Variants in GNG7 observed in about 807,000 individuals in gnomAD.
GNG7 encodes the protein G protein subunit gamma 7, also known as guanine nucleotide-binding protein G(I)/G(S)/G(O) subunit gamma-7.
Under a neutral mutation model 4.0 loss-of-function variants are expected in GNG7, and 1 was observed. The observed-to-expected ratio is 0.25, with a 90% CI of 0.09 to 1.18. GNG7 has a LOEUF of 1.18. Ranked by LOEUF, GNG7 falls within the 50% of genes most tolerant of loss-of-function variation. GNG7 has a pLI of 0.50. For missense variants in GNG7, 86 were observed against 91.9 expected, an observed-to-expected ratio of 0.94 and a Z score of 0.26; for synonymous variants, 34 against 36.9, an observed-to-expected ratio of 0.92 and a Z score of 0.29.
chr19:2,623,767 G>C (rs926434556), intron 2 of GNG7, among the ~76,000 whole-genome samples: 26 of 152,294 alleles, frequency 1.7e-4, no homozygotes, highest in Admixed American at 9.1e-4. Context: ...TGTAATTCCA[G>C]CTACTCAGGA....
intron 1 of GNG7, among the ~76,000 whole-genome samples, chr19:2,687,540 C>G (rs980485528): frequency 1.3e-5 from 2 of 151,914 alleles, no homozygotes; most frequent in Non-Finnish European, 2.9e-5. Context: ...CGCTTGAGCC[C>G]GGGAGGCAGA....
intron 1 of GNG7, among the ~76,000 whole-genome samples, chr19:2,675,374 A>T (rs1043718363): frequency 7.9e-5 from 12 of 152,210 alleles, no homozygotes; most frequent in African/African-American, 2.9e-4. Context: ...CCAGGAAGGG[A>T]CAGCTTCGTG....
intron 2 of GNG7, among the ~76,000 whole-genome samples, chr19:2,630,448 G>A (rs1861252148): frequency 6.6e-6 from 1 of 152,100 alleles, no homozygotes; most frequent in African/African-American, 2.4e-5. Context: ...AGGTGGGCCT[G>A]GTCTAATCAG....
At chr19:2,591,305 G>A (rs1980843813) in intron 2 of GNG7, among the ~76,000 whole-genome samples, 1 of 152,078 alleles carries the variant, frequency 6.6e-6, no homozygotes, top group Admixed American at 6.6e-5. Flanking sequence ...AATACTATTT[G>A]CCAACATACT....
chr19:2,527,941 C>T (rs1261471746), intron 3 of GNG7, among the ~76,000 whole-genome samples: 11 of 152,126 alleles, frequency 7.2e-5, no homozygotes, highest in African/African-American at 2.4e-4. Flanking sequence ...AGTTTGAACC[C>T]AGCTGACTGA....
intron 3 of GNG7, among the ~76,000 whole-genome samples, chr19:2,536,986 G>A (rs1010926826): frequency 6.8e-5 from 10 of 148,018 alleles, no homozygotes; most frequent in African/African-American, 1.0e-4. Context: ...TCGCTCTGTC[G>A]CCCAGGCTGG....
chr19:2,526,970 C>T (rs8105926), intron 3 of GNG7, among the ~76,000 whole-genome samples: 55,312 of 151,380 alleles, frequency 0.37, 10,692 homozygotes, highest in African/African-American at 0.5. Context: ...CTCAGCCTCC[C>T]GAGTAGCTGG....
chr19:2,564,050 T>A (rs1015773413), intron 2 of GNG7, among the ~76,000 whole-genome samples: 5 of 152,108 alleles, frequency 3.3e-5, no homozygotes, highest in Non-Finnish European at 4.4e-5. Context: ...TTCGTGTGTG[T>A]AAGGGCAGGC....
intron 1 of GNG7, among the ~76,000 whole-genome samples, chr19:2,696,663 C>A (rs1027762845): frequency 6.6e-6 from 1 of 152,216 alleles, no homozygotes; most frequent in African/African-American, 2.4e-5. Flanking sequence ...CAGGCCACAG[C>A]ACGGATGCAC....
chr19:2,689,209 G>T (rs1303769323), intron 1 of GNG7, among the ~76,000 whole-genome samples: 4 of 136,618 alleles, frequency 2.9e-5, no homozygotes, highest in South Asian at 5.1e-4. Flanking sequence ...AAAAAAAAAG[G>T]GGGAAAAAAA....
chr19:2,543,720 T>C (rs758525700), intron 3 of GNG7, among the ~76,000 whole-genome samples: 17 of 152,174 alleles, frequency 1.1e-4, no homozygotes, highest in Non-Finnish European at 2.5e-4. Context: ...CAGAGCGGGC[T>C]CTGGCGGCTT....
chr19:2,529,586 A>G (rs1054124556), intron 3 of GNG7, among the ~76,000 whole-genome samples: 15 of 152,194 alleles, frequency 9.9e-5, no homozygotes, highest in African/African-American at 3.4e-4. Context: ...CCATAGGGTA[A>G]AGGTGAGAGG....
chr19:2,562,070 T>A (rs1267127282), intron 2 of GNG7, among the ~76,000 whole-genome samples: 4 of 151,818 alleles, frequency 2.6e-5, no homozygotes, highest in Non-Finnish European at 5.9e-5. Context: ...CTGAGAAGTC[T>A]CTCTGCGTTC....
chr19:2,579,792 C>T (rs1980449287), intron 2 of GNG7, among the ~76,000 whole-genome samples: 1 of 152,158 alleles, frequency 6.6e-6, no homozygotes, highest in Admixed American at 6.5e-5. Context: ...GATGGGTGTC[C>T]TGGGGCTGCC....
chr19:2,666,741 G>C (rs1256487274), intron 1 of GNG7, among the ~76,000 whole-genome samples: 1 of 152,228 alleles, frequency 6.6e-6, no homozygotes, highest in East Asian at 1.9e-4. Context: ...GTTGTATTTT[G>C]AAAGCAGCCA....
intron 1 of GNG7, among the ~76,000 whole-genome samples, chr19:2,659,192 A>G (rs935161604): frequency 6.6e-6 from 1 of 151,860 alleles, no homozygotes; most frequent in Non-Finnish European, 1.5e-5. Flanking sequence ...GATGGTCTCA[A>G]TCTCCTGACC....
At chr19:2,689,636 A>AAC (rs1469278049) in intron 1 of GNG7, among the ~76,000 whole-genome samples, 1 of 151,128 alleles carries the variant, frequency 6.6e-6, no homozygotes, top group African/African-American at 2.4e-5. Flanking sequence ...AAAAAAAAAA[A>AAC]AAAAAAAAAA....
intron 2 of GNG7, among the ~76,000 whole-genome samples, chr19:2,570,522 C>A (rs1194451742): frequency 6.6e-6 from 1 of 152,074 alleles, no homozygotes; most frequent in Non-Finnish European, 1.5e-5. Flanking sequence ...TCAGCTCTTC[C>A]ATCTGTAAAA....
At chr19:2,613,347 T>C (rs1981627971) in intron 2 of GNG7, among the ~76,000 whole-genome samples, 1 of 152,172 alleles carries the variant, frequency 6.6e-6, no homozygotes, top group Admixed American at 6.5e-5. Flanking sequence ...CACTGCCTCA[T>C]TGGAAGAGCA....
Sources: gnomAD v4.1 joint callset for allele counts (sites outside exome capture counted in the v4.1 genomes callset) on GRCh38, gnomAD v4.1.1 for gene constraint, MANE v1.5 for transcripts, NCBI Gene and HGNC (gene_info 2026-07-23, HGNC 2026-07-21) for gene names.